Variants in ACYP2 observed in about 807,000 individuals in gnomAD.
The protein encoded by ACYP2 is acylphosphatase 2, also known as acylphosphatase-2.
A neutral mutation model predicts 11.2 loss-of-function variants in ACYP2; 12 were observed. The ratio of observed to expected loss-of-function variants is 1.08; its 90% CI spans 0.69 to 1.74. The LOEUF (loss-of-function observed/expected upper bound fraction) is 1.74, where lower values mean the gene tolerates loss of function less well. Ranked by LOEUF, ACYP2 falls within the 40% of genes most tolerant of loss-of-function variation. The pLI is 0.00. For synonymous variants in ACYP2, 43 were observed against 32.2 expected (o/e 1.33, Z -1.13); for missense variants, 134 against 101.9 (o/e 1.31, Z -1.35).
intron 2 of ACYP2, among the ~76,000 whole-genome samples, chr2:53,994,163 TA>T (rs1672443132): frequency 6.6e-6 from 1 of 151,730 alleles, no homozygotes; most frequent in Admixed American, 6.6e-5. Context: ...AACCCTTCTC[TA>T]CTAAAAATAC....
chr2:54,282,248 T>G (rs1688882074), intron 6 of ACYP2, among the ~76,000 whole-genome samples: 1 of 152,256 alleles, frequency 6.6e-6, no homozygotes, highest in Non-Finnish European at 1.5e-5. Context: ...CTGTTAGGGT[T>G]AGAGATTGGG....
intron 6 of ACYP2, among the ~76,000 whole-genome samples, chr2:54,167,955 C>A (rs1683064997): frequency 6.6e-6 from 1 of 152,180 alleles, no homozygotes; most frequent in Non-Finnish European, 1.5e-5. Flanking sequence ...AAGTCTTCAT[C>A]CTGTTCTTGG....
chr2:53,979,025 G>A (rs145833771), intron 2 of ACYP2, among the ~76,000 whole-genome samples: 1 of 151,860 alleles, frequency 6.6e-6, no homozygotes, highest in East Asian at 1.9e-4. Context: ...ACTATACCTT[G>A]TATTGTTATT....
chr2:54,233,448 C>T (rs1048776116), intron 6 of ACYP2, among the ~76,000 whole-genome samples: 31 of 151,954 alleles, frequency 2.0e-4, no homozygotes, highest in Non-Finnish European at 1.3e-4. Context: ...AGGCATGAGC[C>T]ACCACACCTG....
chr2:54,232,416 C>T (rs1686274669), intron 6 of ACYP2, among the ~76,000 whole-genome samples: 1 of 152,096 alleles, frequency 6.6e-6, no homozygotes, highest in Non-Finnish European at 1.5e-5. Context: ...CTTATCCCTG[C>T]TCTTCCCTGA....
At chr2:54,276,590 A>G (rs903598529) in intron 6 of ACYP2, among the ~76,000 whole-genome samples, 3 of 148,272 alleles carry the variant, frequency 2.0e-5, no homozygotes, top group Non-Finnish European at 3.0e-5. Context: ...ACCACATTTC[A>G]TCTTTTTCTT....
At chr2:54,247,403 T>C (rs1687006809) in intron 6 of ACYP2, among the ~76,000 whole-genome samples, 2 of 152,198 alleles carry the variant, frequency 1.3e-5, no homozygotes, top group African/African-American at 2.4e-5. Context: ...GTTGGTTACA[T>C]CTGGAATTAA....
intron 4 of ACYP2, among the ~76,000 whole-genome samples, chr2:54,122,572 GAGGGCTGTGTTCCAGCCAA>G (rs1680223629): frequency 6.6e-6 from 1 of 152,228 alleles, no homozygotes; most frequent in Non-Finnish European, 1.5e-5. Context: ...CCTGTCCCAA[GAGGGCTGTGTTCCAGCCAA>G]CACTGATAAA....
chr2:54,164,908 G>T (rs1682884931), intron 6 of ACYP2, among the ~76,000 whole-genome samples: 2 of 152,110 alleles, frequency 1.3e-5, no homozygotes, highest in Admixed American at 1.3e-4. Flanking sequence ...TCCCCTCCCT[G>T]TGTCATGTGT....
At chr2:54,145,804 T>C (rs1423035967) in intron 6 of ACYP2, among the ~76,000 whole-genome samples, 1 of 152,224 alleles carries the variant, frequency 6.6e-6, no homozygotes, top group Admixed American at 6.5e-5. Flanking sequence ...TCCATCAATA[T>C]GTATTCCAAA....
rs184603904 is a variant in ACYP2, at chr2:54,053,119, T to G, written c.155+2069T>G. On this transcript the variant is annotated intron_variant, in intron 3 of 6. Transcript: ENST00000607452. ...GACCCCTGAAGAGCATGTTTTTAAC[T>G]TCACTGTTGGCTCAGTATAAGTGCC... Among the ~76,000 whole-genome samples the G allele has an allele frequency of 1.2e-4, 19 of 152,360 alleles. No homozygotes were observed. In the East Asian group the frequency reaches 3.7e-3, roughly 29 times the overall value.
chr2:54,002,318 T>C (rs1224770052), intron 2 of ACYP2, among the ~76,000 whole-genome samples: 1 of 152,048 alleles, frequency 6.6e-6, no homozygotes, highest in East Asian at 1.9e-4. Context: ...ATTTCCTCTA[T>C]GTCTTTTCAT....
chr2:54,224,319 G>T (rs1369572931), intron 6 of ACYP2, among the ~76,000 whole-genome samples: 1 of 152,192 alleles, frequency 6.6e-6, no homozygotes, highest in African/African-American at 2.4e-5. Flanking sequence ...ACATTGAAGG[G>T]TGAGGAAGGT....
At chr2:54,287,987 C>T (rs947605128) in intron 6 of ACYP2, among the ~76,000 whole-genome samples, 10 of 151,946 alleles carry the variant, frequency 6.6e-5, no homozygotes, top group African/African-American at 2.2e-4. Flanking sequence ...CATAATGACC[C>T]TTTCAGTCAT....
At chr2:54,170,605 C>G (rs72908723) in intron 6 of ACYP2, among the ~76,000 whole-genome samples, 7,255 of 150,856 alleles carry the variant, frequency 0.048, 256 homozygotes, top group African/African-American at 0.093. Flanking sequence ...GACACAGTCT[C>G]TTAGGCGGTT....
intron 6 of ACYP2, chr2:54,255,327 G>A (rs971464160): frequency 2.5e-6 from 4 of 1,614,186 alleles, no homozygotes; most frequent in Admixed American, 3.3e-5. Flanking sequence ...TGGTTAAGTA[G>A]CTTAACATCT....
chr2:54,219,288 G>T (rs1005494419), intron 6 of ACYP2, among the ~76,000 whole-genome samples: 2 of 152,152 alleles, frequency 1.3e-5, no homozygotes, highest in Non-Finnish European at 2.9e-5. Context: ...TGCTTGTTTT[G>T]CAAGTGAGAA....
At chr2:54,102,541 G>C (rs1678949691) in intron 4 of ACYP2, among the ~76,000 whole-genome samples, 1 of 146,122 alleles carries the variant, frequency 6.8e-6, no homozygotes, top group South Asian at 2.1e-4. Context: ...AGGAGGTCTA[G>C]AGGAACGAGA....
At chr2:54,096,712 A>G (rs1038088796) in intron 4 of ACYP2, among the ~76,000 whole-genome samples, 2 of 152,182 alleles carry the variant, frequency 1.3e-5, no homozygotes, top group South Asian at 2.1e-4. Flanking sequence ...GCGCGCCTGC[A>G]ATCACAGGCA....
Sources: gnomAD v4.1 joint callset for allele counts (sites outside exome capture counted in the v4.1 genomes callset) on GRCh38, gnomAD v4.1.1 for gene constraint, MANE v1.5 for transcripts, NCBI Gene and HGNC (gene_info 2026-07-23, HGNC 2026-07-21) for gene names.